SLC35B3: variants seen among roughly 807,000 people sequenced by gnomAD.
SLC35B3 encodes the protein solute carrier family 35 member B3.
Under a neutral mutation model 44.1 loss-of-function variants are expected in SLC35B3, and 35 were observed. That is an observed-to-expected ratio of 0.79 (90% CI 0.61 to 1.05). The LOEUF is 1.05. Ranked by LOEUF, SLC35B3 falls within the 50% of genes least tolerant of loss-of-function variation. The pLI is 0.00. For missense variants in SLC35B3, 414 were observed against 476.4 expected (o/e 0.87, Z 1.22); for synonymous variants, 146 against 167.3 (o/e 0.87, Z 0.98).
intron 9 of SLC35B3, among the ~76,000 whole-genome samples, chr6:8,416,319 T>C (rs1762409399): frequency 6.6e-6 from 1 of 152,080 alleles, no homozygotes; most frequent in Non-Finnish European, 1.5e-5. Context: ...GGTGGCACAT[T>C]GACTCATCTG....
rs200429479 is a variant in SLC35B3 at position 8,428,017 on chromosome 6, C to A, written c.339G>T (p.Trp113Cys). Residue 113 changes from tryptophan to cysteine, a missense_variant, in exon 4 of 11, where the codon TGG becomes TGT. Trp to Cys is a radical substitution (Grantham distance 215). Coordinates refer to ENST00000644923, the MANE Select transcript of SLC35B3 (RefSeq NM_001370476.2). ...AGGCAAACTGCACTAAGGTAAGGTA[C>A]CAGCCACAGGACTTAAAACCCTCCA... 1 of 1,609,034 alleles carries A rather than the reference C, an allele frequency of 6.2e-7. No individual in the cohort carries two copies. The highest frequency in any genetic ancestry group is 1.7e-5 in the Admixed American group (1 of 59,610).
Position 8,420,873 on chromosome 6 carries a change from C to A in SLC35B3, c.575-45G>T. The stretch of plus-strand genomic sequence containing the variant: ...GTCCACTTCATTATGCAAATACCCA[C>A]CCAGCTTTATATTTGCTCTATGTGT... On this transcript the variant is annotated intron_variant, in intron 5 of 10. Coordinates refer to ENST00000644923, the MANE Select transcript of SLC35B3 (RefSeq NM_001370476.2). This position sits in a 1 kb window ranked among gnomAD's most constrained non-coding sequence, Gnocchi z 4.4. The A allele has an allele frequency of 7.0e-7, 1 of 1,436,388 alleles. No individual in the cohort carries two copies. The highest frequency in any genetic ancestry group is 9.7e-7 in the Non-Finnish European group (1 of 1,032,872). 89.0% of individuals were successfully genotyped at this position (1,436,388 alleles called of 1,614,324 possible).
chr6:8,430,558 A>C (rs373685028), intron 2 of SLC35B3, among the ~76,000 whole-genome samples: 2 of 152,182 alleles, frequency 1.3e-5, no homozygotes, highest in African/African-American at 4.8e-5. Flanking sequence ...TCTAAGATAT[A>C]TTTGCTAATG....
chr6:8,427,821 A>C, intron 4 of SLC35B3, 116 bp downstream of exon 3: 1 of 795,124 alleles, frequency 1.3e-6, no homozygotes, highest in Non-Finnish European at 2.0e-6. Context: ...AGTTACACTA[A>C]GAGTTCGTGC....
chr6:8,413,524 C>G lies in SLC35B3; in HGVS notation c.*25G>C. ...AATTGATGATTGTTCCCTTAAAATT[C>G]TATTTTAAATAGGACAATCACTGTC... is the stretch of plus-strand genomic sequence containing the variant. On this transcript the variant is annotated 3_prime_UTR_variant, in exon 11 of 11. Coordinates refer to ENST00000644923, the MANE Select transcript of SLC35B3 (RefSeq NM_001370476.2). 1 of 1,568,808 alleles carries G rather than the reference C, an allele frequency of 6.4e-7. No individual in the cohort carries two copies. Among genetic ancestry groups the G allele is most frequent in the South Asian group, 1.2e-5 (1 of 83,648 alleles).
chr6:8,430,387 A>G (rs986128419), intron 2 of SLC35B3, among the ~76,000 whole-genome samples: 7 of 151,476 alleles, frequency 4.6e-5, no homozygotes, highest in African/African-American at 9.7e-5. Context: ...AATATAAACC[A>G]TACTTATTTC....
At position 8,413,584 on chromosome 6, in the gene SLC35B3, C is replaced by T. The variant is rs749208348; in HGVS notation, c.1171G>A (p.Ala391Thr). 36 of 1,609,722 alleles carry T rather than the reference C, an allele frequency of 2.2e-5. No individual in the cohort carries two copies. The highest frequency in any genetic ancestry group is 2.8e-5 in the Non-Finnish European group (33 of 1,178,448). ...TGTGCCAGCGTCCTTGACTTTCTTG[C>T]TTCCACTGATTTGTTTATCAAATCA... Residue 391 changes from alanine (A) to threonine (T), a missense_variant, in exon 11 of 11, where the codon GCA becomes ACA. Coordinates refer to ENST00000644923, the MANE Select transcript of SLC35B3 (RefSeq NM_001370476.2).
At chr6:8,422,698 G>T in intron 4 of SLC35B3, 74 bp from the exon 4 acceptor site, 2 of 1,130,848 alleles carry the variant, frequency 1.8e-6, no homozygotes, top group Non-Finnish European at 2.5e-6. Flanking sequence ...TGTTCACATT[G>T]TGTAAATGTC....
intron 4 of SLC35B3, among the ~76,000 whole-genome samples, chr6:8,426,002 G>A (rs959395071): frequency 6.6e-6 from 1 of 152,144 alleles, no homozygotes; most frequent in Admixed American, 6.5e-5. Flanking sequence ...AAGCACATTT[G>A]GTCTTGATGA....
rs1764378741 is a variant in SLC35B3, at chr6:8,435,246, G to C, written c.-44+97C>G. 2.3e-6 allele frequency: 3 copies of C among 1,289,294 alleles called. No homozygotes were observed. The highest frequency in any genetic ancestry group is 1.5e-5 in the African/African-American group (1 of 65,954). 79.9% of individuals were successfully genotyped at this position (1,289,294 alleles called of 1,614,324 possible). A position where few individuals can be genotyped will look rare whatever the true frequency, so the allele number is the denominator to read the frequency against. On this transcript the variant is annotated intron_variant, in intron 1 of 10. Coordinates refer to ENST00000644923, the MANE Select transcript of SLC35B3 (RefSeq NM_001370476.2). The surrounding 1 kb of genome is among the most constrained non-coding windows in gnomAD (Gnocchi z 5.5). ...TCCCGACCTCATCCATTCCTCGAAC[G>C]CTCCTTCTGGATGAGGAAGATGGGC...
At chr6:8,430,781 C>G (rs1763901390) in intron 2 of SLC35B3, among the ~76,000 whole-genome samples, 1 of 151,926 alleles carries the variant, frequency 6.6e-6, no homozygotes, top group Non-Finnish European at 1.5e-5. Flanking sequence ...GCCTGTAGTC[C>G]TAGCTACTTG....
intron 3 of SLC35B3, among the ~76,000 whole-genome samples, chr6:8,428,777 A>AT (rs1410754356): frequency 1.3e-5 from 2 of 152,278 alleles, no homozygotes; most frequent in East Asian, 3.9e-4. Context: ...TGTTTCTAAA[A>AT]TGTTTCTCAA....
Position 8,414,966 on chromosome 6 carries a change from T to C in SLC35B3, c.997A>G (p.Arg333Gly). ...GAAAGTACAATGGTCATTGCTTTTC[T>C]TCCTGTTGTCACTGTAGGAGCAAAA... Residue 333 changes from arginine (R) to glycine (G), a missense_variant, in exon 10 of 11, where the codon AGA (arginine) becomes GGA (glycine). Arg to Gly is a moderately radical substitution (Grantham distance 125, BLOSUM62 -2). Transcript: ENST00000644923. 1.2e-6 allele frequency: 2 copies of C among 1,605,186 alleles called. No individual in the cohort carries two copies. Among genetic ancestry groups the C allele is most frequent in the Non-Finnish European group, 1.7e-6 (2 of 1,174,174 alleles).
chr6:8,430,365 A>ATAT (rs1763851752), intron 2 of SLC35B3, among the ~76,000 whole-genome samples: 2 of 152,190 alleles, frequency 1.3e-5, no homozygotes, highest in Non-Finnish European at 2.9e-5. Context: ...AGATTAGTAC[A>ATAT]TCATTAAACT....
At position 8,434,346 on chromosome 6, in the gene SLC35B3, A is replaced by G; in HGVS notation, c.3+39T>C. On this transcript the variant is annotated intron_variant, in intron 2 of 10. Transcript: ENST00000644923. The surrounding 1 kb of genome is among the most constrained non-coding windows in gnomAD (Gnocchi z 6.3). ...CCTGAAAAAACGTGATTTTAACTAT[A>G]CTTTGCCACACTCAACGTTACAAAT... 6.3e-7 allele frequency: 1 copy of G among 1,594,548 alleles called. No individual in the cohort carries two copies. The highest frequency in any genetic ancestry group is 8.6e-7 in the Non-Finnish European group (1 of 1,163,578).
chr6:8,418,263 C>T (rs116631728), intron 7 of SLC35B3, among the ~76,000 whole-genome samples: 1,562 of 152,178 alleles, frequency 0.01, 15 homozygotes, highest in Non-Finnish European at 0.013. Context: ...TACACTCCCT[C>T]AATTCTCTCT....
Position 8,433,374 on chromosome 6 carries a change from T to C in SLC35B3, c.3+1011A>G, listed in dbSNP as rs748126671. ...TAATGGTATAGCTTTTTCGTTTTTA[T>C]ACTTGTTTCTCCTAAAAGCCTATGA... On this transcript the variant is annotated intron_variant, in intron 2 of 10. Transcript: ENST00000644923. The surrounding 1 kb of genome is among the most constrained non-coding windows in gnomAD (Gnocchi z 4.1). Among the ~76,000 whole-genome samples, 3 of 152,228 alleles carry C rather than the reference T, an allele frequency of 2.0e-5. No homozygotes were observed. Among genetic ancestry groups the C allele is most frequent in the Non-Finnish European group, 2.9e-5 (2 of 68,048 alleles).
At chr6:8,430,408 A>T (rs9406139) in intron 2 of SLC35B3, among the ~76,000 whole-genome samples, 37,429 of 137,506 alleles carry the variant, frequency 0.27, 5,444 homozygotes, top group East Asian at 0.4. Context: ...CACAGCAACA[A>T]AAGCTAGTTA....
chr6:8,416,771 T>C (rs1388896096), intron 9 of SLC35B3, 113 bp downstream of exon 8: 7 of 482,998 alleles, frequency 1.4e-5, no homozygotes, highest in Non-Finnish European at 1.5e-5. Flanking sequence ...ATTGGTGAAA[T>C]ATGATAATTT....
Sources: gnomAD v4.1 joint callset for allele counts (sites outside exome capture counted in the v4.1 genomes callset) on GRCh38, gnomAD v4.1.1 for gene constraint, Gnocchi (gnomAD v3.1) non-coding constraint, MANE v1.5 for transcripts, NCBI Gene and HGNC (gene_info 2026-07-23, HGNC 2026-07-21) for gene names.